CDYL: variants seen among roughly 807,000 people sequenced by gnomAD.
The protein encoded by CDYL is chromodomain Y-like protein.
Under a neutral mutation model 47.3 loss-of-function variants are expected in CDYL, and 8 were observed. That is an observed-to-expected ratio of 0.17 (90% CI 0.10 to 0.31). The LOEUF is 0.31. Among genes scored for constraint, CDYL ranks in the 10% least tolerant of loss-of-function variants. CDYL has a pLI of 1.00. For synonymous variants in CDYL, 266 were observed against 265.0 expected (o/e 1.00, Z -0.04); for missense variants, 471 against 701.4 (o/e 0.67, Z 3.71).
At chr6:4,834,912 C>A (rs978251480) in intron 1 of CDYL, among the ~76,000 whole-genome samples, 1 of 152,170 alleles carries the variant, frequency 6.6e-6, no homozygotes, top group African/African-American at 2.4e-5. Context: ...CGAGCCTTGG[C>A]TTTCAGCTCC....
At chr6:4,900,789 A>ATATG (rs1757013315) in intron 2 of CDYL, among the ~76,000 whole-genome samples, 1 of 46,274 alleles carries the variant, frequency 2.2e-5, no homozygotes, top group Non-Finnish European at 4.2e-5. Flanking sequence ...GTATATATAT[A>ATATG]TATATATATA....
intron 3 of CDYL, among the ~76,000 whole-genome samples, chr6:4,760,278 G>A (rs779606024): frequency 7.3e-5 from 11 of 150,962 alleles, no homozygotes; most frequent in Admixed American, 2.6e-4. Flanking sequence ...TTAGAGGGTC[G>A]AAGCACTGTT....
chr6:4,949,021 G>A (rs1013288067), intron 5 of CDYL, among the ~76,000 whole-genome samples: 10 of 152,368 alleles, frequency 6.6e-5, no homozygotes, highest in African/African-American at 2.4e-4. Flanking sequence ...AGGAGGATAA[G>A]CTAAAGGAAT....
chr6:4,889,382 C>G (rs1167349626), intron 1 of CDYL, among the ~76,000 whole-genome samples: 1 of 152,198 alleles, frequency 6.6e-6, no homozygotes, highest in African/African-American at 2.4e-5. Context: ...CACCACCATG[C>G]CCAGCTAATT....
intron 1 of CDYL, among the ~76,000 whole-genome samples, chr6:4,852,425 CTTCCTCCT>C (rs1760864765): frequency 7.7e-6 from 1 of 130,144 alleles, no homozygotes; most frequent in African/African-American, 3.0e-5. Context: ...ATCTTCCTTC[CTTCCTCCT>C]TCCTTCCTTC....
rs141221618 is a variant in CDYL, at chr6:4,892,226, G to C, written c.538G>C (p.Glu180Gln). 1.2e-6 allele frequency: 2 copies of C among 1,614,100 alleles called. No homozygotes were observed. Among genetic ancestry groups the C allele is most frequent in the African/African-American group, 2.7e-5 (2 of 74,930 alleles). ...EQGQEDTVAP[E>Q]VAAEKPVGAL... Reference sequence around the variant, plus strand: ...GGGTCAGGAGGACACAGTGGCACCCGAAGTGGCAGCGGAAAAGCCGGTCGG... The same window carrying C: ...GGGTCAGGAGGACACAGTGGCACCCCAAGTGGCAGCGGAAAAGCCGGTCGG... Residue 180 changes from glutamate (E) to glutamine (Q), a missense_variant, in exon 2 of 7, where the codon GAA becomes CAA. Coordinates refer to ENST00000397588, the MANE Select transcript of CDYL (RefSeq NM_004824.4).
chr6:4,833,114 G>C (rs1437140117), intron 1 of CDYL, among the ~76,000 whole-genome samples: 62 of 143,372 alleles, frequency 4.3e-4, no homozygotes, highest in Admixed American at 1.0e-3. Flanking sequence ...CCTTCTGCTA[G>C]CTTTTGAATG....
At chr6:4,909,707 A>C (rs1757349019) in intron 2 of CDYL, among the ~76,000 whole-genome samples, 1 of 150,470 alleles carries the variant, frequency 6.6e-6, no homozygotes, top group African/African-American at 2.4e-5. Flanking sequence ...TTTAGCTGGG[A>C]CTACAGGCTC....
intron 2 of CDYL, chr6:4,734,650 G>GAGGGGA: frequency 7.1e-7 from 1 of 1,411,836 alleles, no homozygotes; most frequent in Non-Finnish European, 9.5e-7. Context: ...CCTAATTCAG[G>GAGGGGA]AAGGGGAGGG....
At chr6:4,726,563 T>C (rs1302987655) in intron 2 of CDYL, among the ~76,000 whole-genome samples, 1 of 150,208 alleles carries the variant, frequency 6.7e-6, no homozygotes, top group South Asian at 2.1e-4. Context: ...TAGCTGGATA[T>C]GCTGGCACAC....
At chr6:4,838,389 G>A (rs879735887) in intron 1 of CDYL, among the ~76,000 whole-genome samples, 17 of 151,864 alleles carry the variant, frequency 1.1e-4, no homozygotes, top group South Asian at 2.1e-4. Flanking sequence ...AGTTATGAGT[G>A]AGAACTTAGG....
chr6:4,947,779 G>A (rs1335650656), intron 5 of CDYL, among the ~76,000 whole-genome samples: 1 of 152,168 alleles, frequency 6.6e-6, no homozygotes, highest in Non-Finnish European at 1.5e-5. Context: ...AAGCAGGATT[G>A]GGCAGAGCTG....
intron 1 of CDYL, among the ~76,000 whole-genome samples, chr6:4,832,111 T>C (rs1389076310): frequency 2.6e-5 from 4 of 151,962 alleles, no homozygotes; most frequent in African/African-American, 7.3e-5. Flanking sequence ...TCCAACACTA[T>C]GTTGAATAGG....
intron 2 of CDYL, among the ~76,000 whole-genome samples, chr6:4,893,031 C>G (rs1056039179): frequency 5.9e-5 from 9 of 152,232 alleles, no homozygotes; most frequent in Admixed American, 5.9e-4. Context: ...GACAGCACAA[C>G]TGGGAGTTCA....
At chr6:4,868,178 ATT>A (rs1761375469) in intron 1 of CDYL, among the ~76,000 whole-genome samples, 1 of 151,146 alleles carries the variant, frequency 6.6e-6, no homozygotes, top group African/African-American at 2.4e-5. Context: ...TCTGTTTCTT[ATT>A]TCTTCAATAG....
At position 4,892,471 on chromosome 6, in the gene CDYL, G is replaced by A. The variant is rs146270403; in HGVS notation, c.691+92G>A. 4.1e-4 allele frequency: 553 copies of A among 1,355,790 alleles called. 5 individuals carry two copies. The African/African-American group carries it at 6.6e-3, about 16-fold the overall frequency. 84.0% of individuals were successfully genotyped at this position (1,355,790 alleles called of 1,614,324 possible). The stretch of plus-strand genomic sequence containing the variant: ...TCAGGCCTTGAGCTGGGCAGAGTCC[G>A]GGGCTTCTCACGGCATCTGCTGGAG... On this transcript the variant is annotated intron_variant, in intron 2 of 6. Transcript: ENST00000397588.
At chr6:4,787,366 T>C (rs573674548) in intron 1 of CDYL, among the ~76,000 whole-genome samples, 13 of 152,166 alleles carry the variant, frequency 8.5e-5, no homozygotes, top group Non-Finnish European at 1.9e-4. Context: ...GCGACACCAC[T>C]GGTTTCTGCT....
At chr6:4,910,523 C>A (rs1757379846) in intron 2 of CDYL, among the ~76,000 whole-genome samples, 1 of 152,320 alleles carries the variant, frequency 6.6e-6, no homozygotes, top group Non-Finnish European at 1.5e-5. Context: ...CTGATTTGTC[C>A]TCTGAAAGCC....
At chr6:4,900,041 CATTTT>C (rs1228067671) in intron 2 of CDYL, among the ~76,000 whole-genome samples, 2 of 152,210 alleles carry the variant, frequency 1.3e-5, no homozygotes, top group Non-Finnish European at 2.9e-5. Context: ...AAATGTCATA[CATTTT>C]TGCACAAGTA....
Sources: allele counts gnomAD v4.1 joint callset (sites outside exome capture counted in the v4.1 genomes callset), GRCh38; gene constraint gnomAD v4.1.1; transcripts MANE v1.5; gene names NCBI Gene and HGNC (gene_info 2026-07-23, HGNC 2026-07-21).